The following CHST9 variants were observed in gnomAD, a reference collection of about 807,000 sequenced individuals.
CHST9 encodes the protein carbohydrate sulfotransferase 9.
A neutral mutation model predicts 44.4 loss-of-function variants in CHST9; 41 were observed. That is an observed-to-expected ratio of 0.92 (90% CI 0.72 to 1.20). The LOEUF is 1.20. Among genes scored for constraint, CHST9 ranks in the 50% most tolerant of loss-of-function variants. CHST9 has a pLI of 0.00. For missense variants in CHST9, 504 were observed against 516.5 expected, an observed-to-expected ratio of 0.98 and a Z score of 0.23; for synonymous variants, 171 against 178.4, an observed-to-expected ratio of 0.96 and a Z score of 0.33.
At chr18:27,149,421 A>C (rs1028705020) in intron 1 of CHST9, among the ~76,000 whole-genome samples, 1 of 151,880 alleles carries the variant, frequency 6.6e-6, no homozygotes, top group African/African-American at 2.4e-5. Context: ...GACGTACCAC[A>C]TTTTCTTTAT....
chr18:27,118,996 G>C lies in CHST9; in HGVS notation c.121+23693C>G, dbSNP rs74418815. Among the ~76,000 whole-genome samples the C allele has an allele frequency of 7.9e-5, 12 of 152,242 alleles. No individual in the cohort carries two copies. In the East Asian group the frequency reaches 2.3e-3, roughly 29 times the overall value. ...ATTTATGTTGGCACGTATTCATTTT[G>C]ATTTAGCAATTTCCTTTTTCTTTTC... On this transcript the variant is annotated intron_variant, in intron 2 of 5. Coordinates refer to ENST00000618847, the MANE Select transcript of CHST9 (RefSeq NM_031422.6).
intron 1 of CHST9, among the ~76,000 whole-genome samples, chr18:27,174,943 A>C (rs1264112966): frequency 6.6e-6 from 1 of 151,986 alleles, no homozygotes; most frequent in Admixed American, 6.6e-5. Flanking sequence ...AGTTTCCCCT[A>C]AACTAGTTGA....
At chr18:27,079,361 AG>A (rs1424560962) in intron 2 of CHST9, among the ~76,000 whole-genome samples, 1 of 152,228 alleles carries the variant, frequency 6.6e-6, no homozygotes, top group Non-Finnish European at 1.5e-5. Context: ...TGTGTTATAA[AG>A]TATAGGATAT....
chr18:27,007,278 A>C (rs1250549979), intron 4 of CHST9, among the ~76,000 whole-genome samples: 3 of 152,172 alleles, frequency 2.0e-5, no homozygotes, highest in African/African-American at 7.2e-5. Context: ...AGCACAATAT[A>C]TGTTTTGGAG....
At chr18:27,098,630 G>T (rs2058141309) in intron 2 of CHST9, among the ~76,000 whole-genome samples, 1 of 152,062 alleles carries the variant, frequency 6.6e-6, no homozygotes, top group Admixed American at 6.5e-5. Flanking sequence ...CCATAAAAAA[G>T]AATGAGTTCA....
chr18:27,098,300 AG>A (rs1233015225), intron 2 of CHST9, among the ~76,000 whole-genome samples: 1 of 152,160 alleles, frequency 6.6e-6, no homozygotes, highest in East Asian at 1.9e-4. Flanking sequence ...TTAGAAAGTC[AG>A]GAAACAACAG....
intron 4 of CHST9, among the ~76,000 whole-genome samples, chr18:27,001,410 T>C (rs922749856): frequency 6.6e-6 from 1 of 152,192 alleles, no homozygotes. Flanking sequence ...GGGTGAAGCA[T>C]TAGCAAAAGT....
intron 5 of CHST9, among the ~76,000 whole-genome samples, chr18:26,924,108 C>T (rs2055716758): frequency 6.6e-6 from 1 of 152,118 alleles, no homozygotes; most frequent in South Asian, 2.1e-4. Flanking sequence ...CGATTTAAAA[C>T]ATTCTGGGGC....
intron 4 of CHST9, among the ~76,000 whole-genome samples, chr18:26,972,070 C>G (rs186580310): frequency 6.6e-6 from 1 of 151,886 alleles, no homozygotes; most frequent in African/African-American, 2.4e-5. Flanking sequence ...AAGATGGTTA[C>G]ATTGGGCCAG....
At chr18:27,002,707 A>G (rs1352443488) in intron 4 of CHST9, among the ~76,000 whole-genome samples, 1 of 152,182 alleles carries the variant, frequency 6.6e-6, no homozygotes, top group Admixed American at 6.5e-5. Flanking sequence ...ATTTATGATG[A>G]GTTTAATGAA....
intron 3 of CHST9, among the ~76,000 whole-genome samples, chr18:27,042,645 AT>A (rs1283932970): frequency 6.6e-6 from 1 of 152,106 alleles, no homozygotes; most frequent in African/African-American, 2.4e-5. Context: ...AATGTTGACC[AT>A]AAACAAACTT....
At chr18:27,106,132 A>G (rs921797150) in intron 2 of CHST9, among the ~76,000 whole-genome samples, 5 of 152,284 alleles carry the variant, frequency 3.3e-5, no homozygotes, top group African/African-American at 1.2e-4. Context: ...ATTTATCAAT[A>G]TATAAACAGC....
At chr18:27,075,179 G>T (rs1180253575) in intron 2 of CHST9, among the ~76,000 whole-genome samples, 7 of 141,754 alleles carry the variant, frequency 4.9e-5, no homozygotes, top group Non-Finnish European at 6.1e-5. Flanking sequence ...TTTGTTTTTT[G>T]TTTTTTTTTT....
At chr18:27,084,370 C>A (rs1054984343) in intron 2 of CHST9, among the ~76,000 whole-genome samples, 1 of 151,114 alleles carries the variant, frequency 6.6e-6, no homozygotes, top group East Asian at 1.9e-4. Flanking sequence ...TTGGTTCAAT[C>A]TTGGGAGTTT....
At chr18:27,073,536 T>C (rs527254205) in intron 2 of CHST9, among the ~76,000 whole-genome samples, 2 of 151,880 alleles carry the variant, frequency 1.3e-5, no homozygotes, top group African/African-American at 4.8e-5. Flanking sequence ...TAGTCAGGAA[T>C]GGGTAAACCT....
intron 2 of CHST9, among the ~76,000 whole-genome samples, chr18:27,066,954 G>A (rs1414445020): frequency 6.6e-6 from 1 of 152,114 alleles, no homozygotes; most frequent in African/African-American, 2.4e-5. Context: ...CGTTTCTGTG[G>A]TGGTTTCTGT....
intron 1 of CHST9, among the ~76,000 whole-genome samples, chr18:27,143,534 T>A (rs547560222): frequency 1.9e-4 from 29 of 152,272 alleles, no homozygotes; most frequent in East Asian, 7.7e-4. Context: ...TTTATTTTTT[T>A]AAAAATACTG....
At chr18:27,047,868 C>T (rs919844882) in intron 3 of CHST9, among the ~76,000 whole-genome samples, 18 of 152,148 alleles carry the variant, frequency 1.2e-4, no homozygotes, top group African/African-American at 3.4e-4. Flanking sequence ...TCTTACCTCA[C>T]AACTTTAAGC....
At chr18:27,055,671 TCTTGGGTGCTAGTACACC>T (rs1191693105) in intron 2 of CHST9, among the ~76,000 whole-genome samples, 1 of 152,190 alleles carries the variant, frequency 6.6e-6, no homozygotes, top group Non-Finnish European at 1.5e-5. Context: ...ATTAGTGCTG[TCTTGGGTGCTAGTACACC>T]AAAAATTCCT....
Sources: gnomAD v4.1 joint callset for allele counts (sites outside exome capture counted in the v4.1 genomes callset) on GRCh38, gnomAD v4.1.1 for gene constraint, MANE v1.5 for transcripts, NCBI Gene and HGNC (gene_info 2026-07-23, HGNC 2026-07-21) for gene names.